Variants in YIPF2 observed in about 807,000 individuals in gnomAD.
YIPF2 encodes Yip1 domain family member 2.
A neutral mutation model predicts 38.8 loss-of-function variants in YIPF2; 30 were observed. The ratio of observed to expected loss-of-function variants is 0.77; its 90% CI spans 0.58 to 1.05. YIPF2 has a LOEUF of 1.05. Ranked by LOEUF, YIPF2 falls within the 50% of genes least tolerant of loss-of-function variation. The probability of loss-of-function intolerance (pLI) is 0.00; values close to 1 mark genes in which losing one functional copy is unlikely to be tolerated. For missense variants in YIPF2, 401 were observed against 409.7 expected (o/e 0.98, Z 0.18); for synonymous variants, 194 against 183.8 (o/e 1.06, Z -0.45).
At chr19:10,927,170 C>T (rs1010999717) in intron 4 of YIPF2, among the ~76,000 whole-genome samples, 6 of 152,054 alleles carry the variant, frequency 3.9e-5, no homozygotes, top group African/African-American at 1.2e-4. Context: ...ACCCCGCACC[C>T]GGCAGTTTTT....
In YIPF2 at chr19:10,927,870, C is replaced by G; in HGVS notation, c.121G>C (p.Ala41Pro). The G allele has an allele frequency of 5.6e-6, 9 of 1,612,108 alleles. No homozygotes were observed. Among genetic ancestry groups the G allele is most frequent in the Non-Finnish European group, 7.6e-6 (9 of 1,178,584 alleles). ...SDQLTPQGHV[A>P]VAVGSGGSYG... ...CTGCCACCTGAGCCCACGGCCACAG[C>G]CACGTGCCCTTGTGGGGTCAGCTGA... Residue 41 changes from alanine to proline, a missense_variant, in exon 3 of 10, where the codon GCT becomes CCT. Transcript: ENST00000586748.
chr19:10,927,544 C>G, intron 4 of YIPF2, 86 bp downstream of exon 4: 1 of 1,536,628 alleles, frequency 6.5e-7, no homozygotes, highest in Non-Finnish European at 8.8e-7. Context: ...CCAGCACCCA[C>G]CATCACCAGC....
rs1481995544 is a variant in YIPF2 at position 10,924,270 on chromosome 19, G to T, written c.368-78C>A. ...CAGACATGTATCCTGACTGAGCTGT[G>T]CTGAGACCCCAGCCTCTTCCTAAGC... On this transcript the variant is annotated intron_variant, in intron 5 of 9. Transcript: ENST00000586748. The T allele has an allele frequency of 1.6e-5, 21 of 1,340,544 alleles. No homozygotes were observed. In the East Asian group the frequency reaches 4.5e-4, roughly 29 times the overall value. The allele number at this position is 1,340,544 out of a possible 1,614,324, so 83.0% of individuals were successfully genotyped here. A position where few individuals can be genotyped will look rare whatever the true frequency, so the allele number is the denominator to read the frequency against.
chr19:10,925,277 T>C (rs531592045), intron 5 of YIPF2, among the ~76,000 whole-genome samples: 3 of 151,868 alleles, frequency 2.0e-5, no homozygotes, highest in Admixed American at 6.6e-5. Context: ...ATGGGAGGCT[T>C]GTGTGATCTG....
Position 10,923,366 on chromosome 19 carries a change from A to G in YIPF2, c.876T>C (p.Pro292=). The G allele has an allele frequency of 3.7e-6, 6 of 1,613,514 alleles. No homozygotes were observed. Among genetic ancestry groups the G allele is most frequent in the Non-Finnish European group, 5.1e-6 (6 of 1,179,728 alleles). Residue 292 remains proline (P), a synonymous_variant, in exon 9 of 10, where the codon CCT becomes CCC. Transcript: ENST00000586748. ...FQSLPPENVA[P]PPQITSLPSN... Reference sequence around the variant, plus strand: ...AGGGCAGAGATGTGATTTGGGGTGGAGGAGCCACGTTCTCCGGAGGCAGCG... The same window carrying G: ...AGGGCAGAGATGTGATTTGGGGTGGGGGAGCCACGTTCTCCGGAGGCAGCG...
intron 4 of YIPF2, among the ~76,000 whole-genome samples, chr19:10,926,099 C>T (rs1391207611): frequency 6.6e-6 from 1 of 151,446 alleles, no homozygotes; most frequent in African/African-American, 2.4e-5. Context: ...TTAATAGAGA[C>T]GGGATTTCAC....
chr19:10,926,229 T>C (rs1366066493), intron 4 of YIPF2, among the ~76,000 whole-genome samples: 1 of 138,562 alleles, frequency 7.2e-6, no homozygotes, highest in East Asian at 2.0e-4. Flanking sequence ...TTTTTCCCTC[T>C]TTTTTTTTTT....
At position 10,924,226 on chromosome 19, in the gene YIPF2, C is replaced by T. The variant is rs892890380; in HGVS notation, c.368-34G>A. On this transcript the variant is annotated intron_variant, in intron 5 of 9. Transcript: ENST00000586748. ...AGGGGGCACAGTCAGGGTCCCGGGC[C>T]CTGCACTCCCAGGACAAGCAGACAT... The T allele has an allele frequency of 3.8e-6, 6 of 1,576,646 alleles. No homozygotes were observed. The Admixed American group carries it at 8.4e-5, about 22-fold the overall frequency.
rs750963587 is a variant in YIPF2 at position 10,923,149 on chromosome 19, G to A, written c.*45C>T. On this transcript the variant is annotated 3_prime_UTR_variant, in exon 10 of 10. Transcript: ENST00000586748. ...CATCGTCTGGGGGGCAGGACAGGCA[G>A]AGGGGTTGGTCCACTTAGGTGTTGC... 46 of 741,692 alleles carry A rather than the reference G, an allele frequency of 6.2e-5. No individual in the cohort carries two copies. The highest frequency in any genetic ancestry group is 9.3e-5 in the Non-Finnish European group (44 of 471,846). 45.9% of individuals were successfully genotyped at this position (741,692 alleles called of 1,614,324 possible).
At position 10,923,518 on chromosome 19, in the gene YIPF2, C is replaced by T. The variant is rs780543027; in HGVS notation, c.811G>A (p.Ala271Thr). 1.7e-5 allele frequency: 27 copies of T among 1,612,426 alleles called. 1 individual carries two copies. The highest frequency in any genetic ancestry group is 3.3e-4 in the Middle Eastern group (2 of 6,080). The change falls in exon 8 of 10, where the codon GCC becomes ACC. Residue 271 changes from alanine to threonine, a missense_variant. Physicochemically the swap from Ala to Thr is moderately conservative, Grantham distance 58 (BLOSUM62 0). Transcript: ENST00000586748. ...ACCTTACAGCCCATGGCCAGGAGGG[C>T]GTGGAGCAGCACGACCACGGACAGC... ...VLLSVVVLLH[A>T]LLAMGCKLYF...
rs571394361 is a variant in YIPF2, at chr19:10,927,502, C to CATA, written c.279+125_279+127dup. 9.2e-4 allele frequency: 1,134 copies of CATA among 1,227,406 alleles called. 15 individuals are homozygous for CATA. In the South Asian group the frequency reaches 0.016, roughly 17 times the overall value. 76.0% of individuals were successfully genotyped at this position (1,227,406 alleles called of 1,614,324 possible). ...AGTCCCGATCCATAACCAGTCCCAC[C>CATA]ATAACCCTTTGAGAGCACCACAGTT... On this transcript the variant is annotated intron_variant, in intron 4 of 9. Coordinates refer to ENST00000586748, the MANE Select transcript of YIPF2 (RefSeq NM_001321439.2).
chr19:10,924,812 G>A (rs1387431983), intron 5 of YIPF2, among the ~76,000 whole-genome samples: 1 of 115,852 alleles, frequency 8.6e-6, no homozygotes, highest in Non-Finnish European at 1.7e-5. Context: ...TACTTCCCCA[G>A]CACGTTCCAG....
At chr19:10,928,319 G>C (rs960938856) in intron 2 of YIPF2, 61 bp downstream of exon 2, 1 of 1,332,396 alleles carries the variant, frequency 7.5e-7, no homozygotes, top group Admixed American at 3.7e-5. Flanking sequence ...AAGCCGTATC[G>C]GGGGGAGGTT....
Position 10,927,788 on chromosome 19 carries a change from CAG to C in YIPF2, c.192+9_192+10del. The C allele has an allele frequency of 6.2e-7, 1 of 1,608,168 alleles. No homozygotes were observed. The highest frequency in any genetic ancestry group is 8.5e-7 in the Non-Finnish European group (1 of 1,177,242). ...CTGGGGGCTGCAAGGAGGCAGGACA[CAG>C]GGACTCACCGCGGCCTTGTCACTCT... is the stretch of plus-strand genomic sequence containing the variant. On this transcript the variant is annotated intron_variant, in intron 3 of 9. Coordinates refer to ENST00000586748, the MANE Select transcript of YIPF2 (RefSeq NM_001321439.2).
rs770211588 is a variant in YIPF2, at chr19:10,923,951, AG to A, written c.532del (p.Leu178TrpfsTer173). ...SIYCYAWLVP[L>X]ALWGFLRWRK... Reference sequence around the variant, plus strand: ...CCACCGCAGGAAGCCCCACAGGGCCAGGGGCACCAGCCACGCATAGCAGTAG... The same window carrying A: ...CCACCGCAGGAAGCCCCACAGGGCCAGGGCACCAGCCACGCATAGCAGTAG... On this transcript the variant is annotated frameshift_variant, in exon 7 of 10. Transcript: ENST00000586748. LOFTEE classifies it high-confidence loss of function. 19 of 1,613,392 alleles carry A rather than the reference AG, an allele frequency of 1.2e-5. No individual in the cohort carries two copies. The highest frequency in any genetic ancestry group is 1.7e-5 in the Admixed American group (1 of 59,936).
At chr19:10,924,275 G>C in intron 5 of YIPF2, 83 bp from the exon 6 acceptor site, 1 of 1,292,944 alleles carries the variant, frequency 7.7e-7, no homozygotes, top group Non-Finnish European at 1.1e-6. Context: ...GCTGTGCTGA[G>C]ACCCCAGCCT....
chr19:10,925,602 T>G, intron 5 of YIPF2, 84 bp downstream of exon 5: 1 of 1,498,664 alleles, frequency 6.7e-7, no homozygotes, highest in South Asian at 1.2e-5. Flanking sequence ...GACTGATTTG[T>G]CCGCAGCTAT....
intron 2 of YIPF2, 47 bp downstream of exon 2, chr19:10,928,333 G>A: frequency 2.4e-5 from 32 of 1,333,386 alleles, no homozygotes; most frequent in Non-Finnish European, 3.0e-5. Flanking sequence ...GGAGGTTCTG[G>A]CCCGGGGCGG....
At chr19:10,925,973 T>C (rs2083418876) in intron 4 of YIPF2, among the ~76,000 whole-genome samples, 200 bp from the exon 5 acceptor site, 1 of 149,716 alleles carries the variant, frequency 6.7e-6, no homozygotes. Flanking sequence ...AGTAGTGGCA[T>C]GATCTCGGCT....
Sources: allele counts gnomAD v4.1 joint callset (sites outside exome capture counted in the v4.1 genomes callset), GRCh38; gene constraint gnomAD v4.1.1; transcripts MANE v1.5; gene names NCBI Gene and HGNC (gene_info 2026-07-23, HGNC 2026-07-21).